The following NDST4 variants were observed in gnomAD, a reference collection of about 807,000 sequenced individuals.
The protein encoded by NDST4 is N-deacetylase and N-sulfotransferase 4.
NDST4 carries 63 observed loss-of-function variants against 100.8 expected under a neutral mutation model. That is an observed-to-expected ratio of 0.62 (90% CI 0.51 to 0.77). The LOEUF is 0.77. Among genes scored for constraint, NDST4 ranks in the 30% least tolerant of loss-of-function variants. The pLI is 0.00. For synonymous variants in NDST4, 377 were observed against 361.8 expected (o/e 1.04, Z -0.48); for missense variants, 943 against 1,018.4 (o/e 0.93, Z 1.01).
intron 2 of NDST4, among the ~76,000 whole-genome samples, chr4:115,033,276 G>A (rs1308024289): frequency 6.7e-6 from 1 of 149,990 alleles, no homozygotes; most frequent in Non-Finnish European, 1.5e-5. Flanking sequence ...CCCGAGTAGC[G>A]AGGACTAAAG....
intron 2 of NDST4, among the ~76,000 whole-genome samples, chr4:115,024,715 T>C (rs150901759): frequency 2.0e-4 from 30 of 152,208 alleles, no homozygotes; most frequent in East Asian, 7.8e-4. Context: ...TTTGGGGCTA[T>C]TGGAATAGAA....
chr4:114,881,586 T>A (rs1034715880), intron 6 of NDST4, among the ~76,000 whole-genome samples: 3 of 152,030 alleles, frequency 2.0e-5, no homozygotes, highest in African/African-American at 7.2e-5. Flanking sequence ...CCCATATAAA[T>A]TTATACAGCC....
chr4:114,875,220 G>C (rs1162238321), intron 6 of NDST4, among the ~76,000 whole-genome samples: 1 of 152,124 alleles, frequency 6.6e-6, no homozygotes, highest in East Asian at 1.9e-4. Flanking sequence ...CCTTTATCTT[G>C]TTGTTGGCAC....
chr4:114,948,699 C>A (rs528812045), intron 4 of NDST4, among the ~76,000 whole-genome samples: 1 of 152,036 alleles, frequency 6.6e-6, no homozygotes, highest in Non-Finnish European at 1.5e-5. Flanking sequence ...AGCTTTAATT[C>A]TCTCCAGTGT....
chr4:115,010,860 C>A (rs934259411), intron 2 of NDST4, among the ~76,000 whole-genome samples: 1 of 151,976 alleles, frequency 6.6e-6, no homozygotes, highest in Admixed American at 6.6e-5. Flanking sequence ...AGATGCTAGG[C>A]ACTTTGGTCA....
At chr4:115,047,833 CT>C (rs1374058589) in intron 2 of NDST4, among the ~76,000 whole-genome samples, 1 of 151,964 alleles carries the variant, frequency 6.6e-6, no homozygotes, top group African/African-American at 2.4e-5. Context: ...GTTTATCAAT[CT>C]ATTAATTGAT....
chr4:115,107,380 T>C (rs983752579), intron 1 of NDST4, among the ~76,000 whole-genome samples: 2 of 152,102 alleles, frequency 1.3e-5, no homozygotes, highest in African/African-American at 4.8e-5. Context: ...TCTTAAATTC[T>C]CCCAAACAAC....
chr4:114,990,681 A>C lies in NDST4; in HGVS notation c.979-13407T>G, dbSNP rs1037457162. Among the ~76,000 whole-genome samples, 5 of 152,250 alleles carry C rather than the reference A, an allele frequency of 3.3e-5. No homozygotes were observed. In the South Asian group the frequency reaches 8.3e-4, roughly 25 times the overall value. On this transcript the variant is annotated intron_variant, in intron 2 of 13. Coordinates refer to ENST00000264363, the MANE Select transcript of NDST4 (RefSeq NM_022569.3). ...TCAAGCAAGACAGATATATTTCTAC[A>C]ATATCTTTGTTAATAACTAACACAT...
At chr4:115,022,525 T>A (rs1727881122) in intron 2 of NDST4, among the ~76,000 whole-genome samples, 1 of 103,964 alleles carries the variant, frequency 9.6e-6, no homozygotes, top group Non-Finnish European at 1.9e-5. Flanking sequence ...TATATATATG[T>A]GATGGAATAC....
intron 2 of NDST4, among the ~76,000 whole-genome samples, chr4:114,997,437 C>T (rs992522514): frequency 1.3e-5 from 2 of 151,796 alleles, no homozygotes; most frequent in African/African-American, 4.8e-5. Flanking sequence ...ATTCATAAAC[C>T]CAGCTCTAAG....
At chr4:114,923,918 A>G (rs1358265177) in intron 6 of NDST4, among the ~76,000 whole-genome samples, 1 of 151,578 alleles carries the variant, frequency 6.6e-6, no homozygotes, top group Non-Finnish European at 1.5e-5. Context: ...GCTTTCATTT[A>G]TTTTTCGATG....
At chr4:114,853,050 C>T (rs1256801615) in intron 7 of NDST4, among the ~76,000 whole-genome samples, 1 of 152,118 alleles carries the variant, frequency 6.6e-6, no homozygotes, top group East Asian at 1.9e-4. Flanking sequence ...TATCATCTTT[C>T]AGTGTTTGGC....
rs184123613 is a variant in NDST4 at position 114,927,895 on chromosome 4, A to T, written c.1536+7311T>A. 2.0e-3 allele frequency among the ~76,000 whole-genome samples: 312 copies of T among 152,310 alleles called. 2 individuals carry two copies. Among genetic ancestry groups the T allele is most frequent in the South Asian group, 0.015 (73 of 4,828 alleles). ...CTTCTACTTATAAGTTCCTACAAAC[A>T]TCACTTTTATACACTAAGAGTCAGC... On this transcript the variant is annotated intron_variant, in intron 6 of 13. Coordinates refer to ENST00000264363, the MANE Select transcript of NDST4 (RefSeq NM_022569.3).
At chr4:114,867,639 A>T (rs943581482) in intron 7 of NDST4, among the ~76,000 whole-genome samples, 1 of 136,616 alleles carries the variant, frequency 7.3e-6, no homozygotes, top group African/African-American at 2.7e-5. Flanking sequence ...TCCCATAATG[A>T]GAATTATAAA....
rs768497542 is a variant in NDST4, at chr4:114,839,436, A to G, written c.2228T>C (p.Val743Ala). The change falls in exon 11 of 14, where the codon GTA becomes GCA. Residue 743 changes from valine to alanine, a missense_variant. By Grantham distance (64) the Val-to-Ala change is moderately conservative. Transcript: ENST00000264363. ...TATGTGGACTGCATACCATCCAGGT[A>G]CTAGGCATCTTCTCTGCAAAGTTTT... ...DLKTLQRRCLVPGWYAVHIER... is the reference protein window; with the variant it reads ...DLKTLQRRCLAPGWYAVHIER... 12 of 1,613,970 alleles carry G rather than the reference A, an allele frequency of 7.4e-6. No homozygotes were observed. Among genetic ancestry groups the G allele is most frequent in the Non-Finnish European group, 1.0e-5 (12 of 1,179,882 alleles).
intron 7 of NDST4, among the ~76,000 whole-genome samples, chr4:114,860,358 G>A (rs1404794765): frequency 1.3e-5 from 2 of 152,084 alleles, no homozygotes. Flanking sequence ...TTCTTCAGTC[G>A]ATAATGGAGC....
At chr4:115,050,236 G>A (rs1285766022) in intron 2 of NDST4, among the ~76,000 whole-genome samples, 1 of 152,042 alleles carries the variant, frequency 6.6e-6, no homozygotes, top group Non-Finnish European at 1.5e-5. Flanking sequence ...CAATGCCCTG[G>A]AGAATCAGAA....
chr4:114,913,316 G>A (rs907554934), intron 6 of NDST4, among the ~76,000 whole-genome samples: 5 of 151,862 alleles, frequency 3.3e-5, no homozygotes, highest in Non-Finnish European at 5.9e-5. Flanking sequence ...ACATTTGGAA[G>A]AAAACTTGGG....
intron 6 of NDST4, among the ~76,000 whole-genome samples, chr4:114,901,150 C>A (rs907904949): frequency 5.9e-5 from 9 of 151,958 alleles, no homozygotes; most frequent in African/African-American, 2.2e-4. Flanking sequence ...CTATAGATGT[C>A]CATTATATCC....
Sources: gnomAD v4.1 joint callset for allele counts (sites outside exome capture counted in the v4.1 genomes callset) on GRCh38, gnomAD v4.1.1 for gene constraint, MANE v1.5 for transcripts, NCBI Gene and HGNC (gene_info 2026-07-23, HGNC 2026-07-21) for gene names.